TNR: variants seen among roughly 807,000 people sequenced by gnomAD.
TNR encodes the protein tenascin-R.
In TNR, 45 loss-of-function variants were observed where a neutral mutation model predicts 150.4. The ratio of observed to expected loss-of-function variants is 0.30; its 90% CI spans 0.24 to 0.38. TNR has a LOEUF of 0.38. TNR is among the 10% of genes least tolerant of loss of function. TNR has a pLI of 1.00. For synonymous variants in TNR, 687 were observed against 678.4 expected (o/e 1.01, Z -0.20); for missense variants, 1,544 against 1,759.1 (o/e 0.88, Z 2.19).
intron 2 of TNR, among the ~76,000 whole-genome samples, chr1:175,476,479 G>T (rs1424562924): frequency 6.6e-6 from 1 of 152,106 alleles, no homozygotes; most frequent in African/African-American, 2.4e-5. Flanking sequence ...GTACTACTTT[G>T]AGCACCTGAT....
chr1:175,394,595 A>G (rs1356515392), intron 5 of TNR, among the ~76,000 whole-genome samples: 1 of 152,126 alleles, frequency 6.6e-6, no homozygotes, highest in Non-Finnish European at 1.5e-5. Context: ...GTCCTAATGG[A>G]GTTTCAATTA....
chr1:175,620,264 C>T (rs992394253), intron 1 of TNR, among the ~76,000 whole-genome samples: 17 of 152,278 alleles, frequency 1.1e-4, no homozygotes, highest in East Asian at 5.8e-4. Context: ...TTCAGCTAGA[C>T]GGATTGCTCT....
At chr1:175,657,498 T>C (rs979427613) in intron 1 of TNR, among the ~76,000 whole-genome samples, 3 of 151,954 alleles carry the variant, frequency 2.0e-5, no homozygotes, top group Non-Finnish European at 2.9e-5. Context: ...CTATTCACAA[T>C]AGCAAAGACT....
chr1:175,561,016 G>T (rs1334218592), intron 1 of TNR, among the ~76,000 whole-genome samples: 1 of 152,084 alleles, frequency 6.6e-6, no homozygotes, highest in African/African-American at 2.4e-5. Context: ...CATCTTTAAC[G>T]TTCCCCAAGC....
intron 1 of TNR, among the ~76,000 whole-genome samples, chr1:175,669,734 G>A (rs1000697533): frequency 2.0e-5 from 3 of 152,216 alleles, no homozygotes; most frequent in Admixed American, 1.3e-4. Flanking sequence ...GCTGGCTGCA[G>A]GGAGAGGGCT....
chr1:175,598,979 G>A (rs554669965), intron 1 of TNR, among the ~76,000 whole-genome samples: 16 of 152,304 alleles, frequency 1.1e-4, no homozygotes, highest in African/African-American at 2.9e-4. Flanking sequence ...GAGGAGATGC[G>A]TCCTTAAATC....
At chr1:175,393,916 T>C (rs1456063483) in intron 5 of TNR, 21 bp from the exon 6 acceptor site, 2 of 1,573,450 alleles carry the variant, frequency 1.3e-6, no homozygotes, top group African/African-American at 1.3e-5. Context: ...GCAATGTAGG[T>C]GACAATGTCA....
At chr1:175,737,967 C>T (rs1558098639) in intron 1 of TNR, among the ~76,000 whole-genome samples, 1 of 152,184 alleles carries the variant, frequency 6.6e-6, no homozygotes, top group Admixed American at 6.5e-5. Flanking sequence ...CCTGCTAGTA[C>T]CTCTCTGGCA....
chr1:175,608,920 A>G (rs1228632405), intron 1 of TNR, among the ~76,000 whole-genome samples: 1 of 152,246 alleles, frequency 6.6e-6, no homozygotes, highest in East Asian at 1.9e-4. Flanking sequence ...TGCAGCCCTC[A>G]GTCAACTTGA....
At chr1:175,424,984 C>T (rs760738376) in intron 2 of TNR, among the ~76,000 whole-genome samples, 24 of 152,028 alleles carry the variant, frequency 1.6e-4, no homozygotes, top group Non-Finnish European at 4.4e-5. Context: ...ACCTGGGGGG[C>T]CTGGGGAGGA....
At chr1:175,647,781 A>G (rs73033372) in intron 1 of TNR, among the ~76,000 whole-genome samples, 4,992 of 152,202 alleles carry the variant, frequency 0.033, 179 homozygotes, top group African/African-American at 0.086. Context: ...TGGGTCAACA[A>G]TAAGAAGACC....
At chr1:175,636,966 T>C (rs1285406227) in intron 1 of TNR, among the ~76,000 whole-genome samples, 1 of 152,270 alleles carries the variant, frequency 6.6e-6, no homozygotes, top group Non-Finnish European at 1.5e-5. Flanking sequence ...AAGAAAGTGA[T>C]AGTGCAGTTC....
At chr1:175,377,428 T>G (rs1652448125) in intron 9 of TNR, among the ~76,000 whole-genome samples, 1 of 151,892 alleles carries the variant, frequency 6.6e-6, no homozygotes. Context: ...GGGCTGCGCT[T>G]AGAATCAGTT....
intron 2 of TNR, among the ~76,000 whole-genome samples, chr1:175,479,747 A>G (rs1420072851): frequency 6.6e-6 from 1 of 152,084 alleles, no homozygotes; most frequent in African/African-American, 2.4e-5. Flanking sequence ...GCTTCTGAAG[A>G]TCTTATCATG....
chr1:175,658,414 G>A (rs556930774), intron 1 of TNR, among the ~76,000 whole-genome samples: 25 of 152,190 alleles, frequency 1.6e-4, no homozygotes, highest in Non-Finnish European at 3.4e-4. Context: ...TGTGGGTGAG[G>A]AAGTTGTTCC....
At chr1:175,457,260 C>T (rs1006141233) in intron 2 of TNR, among the ~76,000 whole-genome samples, 16 of 152,224 alleles carry the variant, frequency 1.1e-4, no homozygotes. Flanking sequence ...AGACTTGAAC[C>T]ATCAGACTCC....
intron 2 of TNR, among the ~76,000 whole-genome samples, chr1:175,459,540 GT>G (rs1656723124): frequency 6.6e-6 from 1 of 152,202 alleles, no homozygotes; most frequent in South Asian, 2.1e-4. Context: ...GTGACAATTT[GT>G]TAAGGCCAAT....
intron 2 of TNR, among the ~76,000 whole-genome samples, chr1:175,486,635 A>G (rs1031019201): frequency 6.6e-6 from 1 of 152,232 alleles, no homozygotes. Flanking sequence ...TTGGGTATAT[A>G]CCCAGTAATG....
At chr1:175,735,119 C>G (rs1161448238) in intron 1 of TNR, among the ~76,000 whole-genome samples, 2 of 152,184 alleles carry the variant, frequency 1.3e-5, no homozygotes, top group African/African-American at 4.8e-5. Flanking sequence ...GTGGCTCTGG[C>G]CTCTGCCCTT....
Sources: allele counts gnomAD v4.1 joint callset (sites outside exome capture counted in the v4.1 genomes callset), GRCh38; gene constraint gnomAD v4.1.1; transcripts MANE v1.5; gene names NCBI Gene and HGNC (gene_info 2026-07-23, HGNC 2026-07-21).